Variants in SNX29 observed in about 807,000 individuals in gnomAD.
SNX29 encodes sorting nexin 29.
A neutral mutation model predicts 102.1 loss-of-function variants in SNX29; 78 were observed. That is an observed-to-expected ratio of 0.76 (90% CI 0.64 to 0.92). SNX29 has a LOEUF of 0.92. SNX29 is among the 40% of genes least tolerant of loss of function. The pLI is 0.00. For synonymous variants in SNX29, 580 were observed against 414.5 expected (o/e 1.40, Z -4.85); for missense variants, 1,280 against 1,061.7 (o/e 1.21, Z -2.86).
intron 18 of SNX29, among the ~76,000 whole-genome samples, chr16:12,437,886 C>G (rs1472882247): frequency 6.6e-6 from 1 of 152,192 alleles, no homozygotes; most frequent in Non-Finnish European, 1.5e-5. Context: ...TGCCTGGCAT[C>G]TTCATGCTGG....
chr16:11,986,062 C>A (rs2055610887), intron 1 of SNX29, among the ~76,000 whole-genome samples: 2 of 151,994 alleles, frequency 1.3e-5, no homozygotes, highest in Non-Finnish European at 2.9e-5. Context: ...ACCTCGGGCT[C>A]CCAGCGTGCT....
intron 20 of SNX29, among the ~76,000 whole-genome samples, chr16:12,553,496 G>T (rs1040815222): frequency 4.6e-5 from 7 of 152,140 alleles, no homozygotes; most frequent in Non-Finnish European, 8.8e-5. Flanking sequence ...AGGCAGGGCA[G>T]GTGCACACTT....
chr16:12,052,260 A>C lies in SNX29; in HGVS notation c.1124+38A>C, dbSNP rs192470736. 4.9e-4 allele frequency: 795 copies of C among 1,610,422 alleles called. 7 individuals are homozygous for C. The East Asian group carries it at 0.017, about 34-fold the overall frequency. ...GTAAGGTGGAGTCTCACCGTCCCCC[A>C]GGCTGGAGTGCCGTGGCGTGATCTC... On this transcript the variant is annotated intron_variant, in intron 8 of 20. Coordinates refer to ENST00000566228, the MANE Select transcript of SNX29 (RefSeq NM_032167.5).
At chr16:12,219,776 A>G (rs55929827) in intron 14 of SNX29, among the ~76,000 whole-genome samples, 1,684 of 152,336 alleles carry the variant, frequency 0.011, 38 homozygotes, top group African/African-American at 0.039. Flanking sequence ...CACTGAAAAG[A>G]GTGGATTTAG....
At chr16:12,032,012 A>C (rs936440775) in intron 4 of SNX29, among the ~76,000 whole-genome samples, 10 of 150,866 alleles carry the variant, frequency 6.6e-5, no homozygotes, top group African/African-American at 2.0e-4. Context: ...ACTAACACTC[A>C]CTCCCTCCAC....
chr16:12,527,540 G>A, intron 20 of SNX29: 1 of 401,796 alleles, frequency 2.5e-6, no homozygotes. Flanking sequence ...CCATTTTCCT[G>A]TGGATGTCAG....
chr16:12,450,414 A>C (rs78220425), intron 18 of SNX29, among the ~76,000 whole-genome samples: 4,005 of 152,292 alleles, frequency 0.026, 186 homozygotes, highest in African/African-American at 0.091. Context: ...AATGGGATCA[A>C]CTTGACTTCA....
Position 12,545,593 on chromosome 16 carries a change from A to C in SNX29, c.2318+20752A>C, listed in dbSNP as rs542017591. On this transcript the variant is annotated intron_variant, in intron 20 of 20. Coordinates refer to ENST00000566228, the MANE Select transcript of SNX29 (RefSeq NM_032167.5). The stretch of plus-strand genomic sequence containing the variant: ...AGATGGAGGAACCCATTTCCTCTGG[A>C]ATCCAGAGGTACAGAAAGCAAGGGT... The C allele has an allele frequency of 3.9e-5, 6 of 152,316 alleles. No homozygotes were observed. The South Asian group carries it at 1.2e-3, about 32-fold the overall frequency. 9.4% of individuals were successfully genotyped at this position (152,316 alleles called of 1,614,324 possible).
chr16:12,126,586 A>G, intron 11 of SNX29, 47 bp from the exon 12 acceptor site: 3 of 1,599,000 alleles, frequency 1.9e-6, no homozygotes, highest in Non-Finnish European at 2.6e-6. Context: ...GCATGCTGTA[A>G]CAGGCAAGAC....
At chr16:12,562,842 G>A (rs1338031408) in intron 20 of SNX29, among the ~76,000 whole-genome samples, 1 of 152,112 alleles carries the variant, frequency 6.6e-6, no homozygotes, top group South Asian at 2.1e-4. Flanking sequence ...TTCCCCTATA[G>A]GCAACCCGAC....
intron 11 of SNX29, among the ~76,000 whole-genome samples, chr16:12,082,558 C>G (rs1007505457): frequency 2.2e-4 from 34 of 152,168 alleles, no homozygotes; most frequent in African/African-American, 7.5e-4. Flanking sequence ...TGTTTTGACT[C>G]AGACAATTTT....
chr16:12,058,621 G>A (rs1487824081), intron 8 of SNX29, among the ~76,000 whole-genome samples: 1 of 150,704 alleles, frequency 6.6e-6, no homozygotes, highest in East Asian at 1.9e-4. Context: ...ACCCTTCCAA[G>A]TAGCTGGGAT....
intron 11 of SNX29, among the ~76,000 whole-genome samples, chr16:12,091,552 T>G (rs1457812070): frequency 1.3e-5 from 2 of 151,354 alleles, no homozygotes; most frequent in Non-Finnish European, 2.9e-5. Context: ...TTTGGGAGGC[T>G]GAGGCAGGAG....
intron 13 of SNX29, among the ~76,000 whole-genome samples, chr16:12,168,657 C>T (rs2076073026): frequency 6.6e-6 from 1 of 152,180 alleles, no homozygotes; most frequent in Non-Finnish European, 1.5e-5. Flanking sequence ...TGGTTTTTCC[C>T]TTTGCTTCAT....
intron 16 of SNX29, among the ~76,000 whole-genome samples, chr16:12,371,981 A>T (rs1299165367): frequency 6.6e-6 from 1 of 152,218 alleles, no homozygotes; most frequent in African/African-American, 2.4e-5. Context: ...TCTAAGTTAT[A>T]TAAATAATAT....
At position 12,472,543 on chromosome 16, in the gene SNX29, A is replaced by AC. The variant is rs1555547105; in HGVS notation, c.2038-5175dup. ...CAAAAAAAAACCAAAAAAAAAAAAA[A>AC]CAAAAAAAAAAAGAAAAAAACAGGG... On this transcript the variant is annotated intron_variant, in intron 18 of 20. Coordinates refer to ENST00000566228, the MANE Select transcript of SNX29 (RefSeq NM_032167.5). 8.4e-4 allele frequency among the ~76,000 whole-genome samples: 118 copies of AC among 139,942 alleles called. 1 individual carries two copies. The highest frequency in any genetic ancestry group is 2.8e-3 in the East Asian group (10 of 3,560). The allele number at this position is 139,942 out of a possible 152,430, so 91.8% of individuals were successfully genotyped here. A position where few individuals can be genotyped will look rare whatever the true frequency, so the allele number is the denominator to read the frequency against.
At chr16:12,557,023 C>A (rs796647341) in intron 20 of SNX29, among the ~76,000 whole-genome samples, 1 of 120,798 alleles carries the variant, frequency 8.3e-6, no homozygotes, top group African/African-American at 3.0e-5. Context: ...TTACCCCCCC[C>A]CCGCCCCAAG....
At position 12,253,549 on chromosome 16, in the gene SNX29, GCA is replaced by G. The variant is rs372049502; in HGVS notation, c.1679-24381_1679-24380del. Among the ~76,000 whole-genome samples, 106 of 152,320 alleles carry G rather than the reference GCA, an allele frequency of 7.0e-4. 1 individual carries two copies. The highest frequency in any genetic ancestry group is 1.3e-3 in the Non-Finnish European group (86 of 68,022). Reference sequence around the variant, plus strand: ...ACTTTGTTGAGAAGGCGTTGCCTGAGCACAGAGTTGCCAAGGGGGCACTGGCC... The same window carrying G: ...ACTTTGTTGAGAAGGCGTTGCCTGAGCAGAGTTGCCAAGGGGGCACTGGCC... On this transcript the variant is annotated intron_variant, in intron 14 of 20. Coordinates refer to ENST00000566228, the MANE Select transcript of SNX29 (RefSeq NM_032167.5).
intron 3 of SNX29, among the ~76,000 whole-genome samples, chr16:12,022,637 A>C (rs1463668224): frequency 6.6e-6 from 1 of 152,176 alleles, no homozygotes; most frequent in Non-Finnish European, 1.5e-5. Context: ...CCAGCCTTAG[A>C]GAACCACTGA....
Sources: allele counts gnomAD v4.1 joint callset (sites outside exome capture counted in the v4.1 genomes callset), GRCh38; gene constraint gnomAD v4.1.1; transcripts MANE v1.5; gene names NCBI Gene and HGNC (gene_info 2026-07-23, HGNC 2026-07-21).